CDK8: variants seen among roughly 807,000 people sequenced by gnomAD.
The protein encoded by CDK8 is cyclin-dependent kinase 8.
In CDK8, 29 loss-of-function variants were observed where a neutral mutation model predicts 71.5. The observed-to-expected ratio is 0.41, with a 90% CI of 0.30 to 0.55. The LOEUF (loss-of-function observed/expected upper bound fraction) is 0.55, where lower values mean the gene tolerates loss of function less well. Among genes scored for constraint, CDK8 ranks in the 20% least tolerant of loss-of-function variants. The pLI, the probability that CDK8 is intolerant of heterozygous loss-of-function variation, is 0.37. For missense variants in CDK8, 288 were observed against 572.6 expected (o/e 0.50, Z 5.07); for synonymous variants, 161 against 192.1 (o/e 0.84, Z 1.34).
At position 26,382,854 on chromosome 13, in the gene CDK8, G is replaced by A. The variant is rs1219473554; in HGVS notation, c.497G>A (p.Arg166Gln). 7 of 1,599,534 alleles carry A rather than the reference G, an allele frequency of 4.4e-6. No homozygotes were observed. Among genetic ancestry groups the A allele is most frequent in the South Asian group, 1.1e-5 (1 of 87,944 alleles). Residue 166 changes from arginine to glutamine, a missense_variant, in exon 5 of 13, where the codon CGA (arginine) becomes CAA (glutamine). Around this residue, in one of 6 missense-constraint regions of CDK8, gnomAD observed 95 missense variants for 177.3 expected, o/e 0.54. Coordinates refer to ENST00000381527, the MANE Select transcript of CDK8 (RefSeq NM_001260.3). ...TTAGTTATGGGTGAAGGTCCTGAGC[G>A]AGGAAGAGTAAAAATTGGTATGTTA... ...NILVMGEGPE[R>Q]GRVKIADMGF...
rs370194310 is a variant in CDK8 at position 26,336,640 on chromosome 13, A to G, written c.129-927A>G. Among the ~76,000 whole-genome samples, 999 of 138,770 alleles carry G rather than the reference A, an allele frequency of 7.2e-3. 10 individuals are homozygous for G. Among genetic ancestry groups the G allele is most frequent in the African/African-American group, 0.024 (862 of 36,400 alleles). 91.0% of individuals were successfully genotyped at this position (138,770 alleles called of 152,430 possible). ...GTGATCTCGGCTCACTGCAAGCTCC[A>G]CCTCCTGGGTTCACGCCATTCTCCT... On this transcript the variant is annotated intron_variant, in intron 1 of 12. Transcript: ENST00000381527.
chr13:26,399,898 T>C (rs1452101320), intron 9 of CDK8, among the ~76,000 whole-genome samples: 2 of 152,362 alleles, frequency 1.3e-5, no homozygotes, highest in African/African-American at 4.8e-5. Context: ...ACTTTGTAAG[T>C]TGTGTATCAC....
At chr13:26,380,434 G>A (rs1875165868) in intron 4 of CDK8, among the ~76,000 whole-genome samples, 1 of 152,046 alleles carries the variant, frequency 6.6e-6, no homozygotes, top group South Asian at 2.1e-4. Flanking sequence ...GCCCACCTTG[G>A]CTTCTTGAAG....
At chr13:26,329,160 T>A (rs1443078993) in intron 1 of CDK8, among the ~76,000 whole-genome samples, 4 of 152,200 alleles carry the variant, frequency 2.6e-5, no homozygotes, top group Non-Finnish European at 4.4e-5. Context: ...TTACCATAGT[T>A]TAAATAGAGT....
At chr13:26,402,653 C>T (rs539274558) in intron 12 of CDK8, among the ~76,000 whole-genome samples, 8 of 152,320 alleles carry the variant, frequency 5.3e-5, no homozygotes, top group African/African-American at 1.9e-4. Flanking sequence ...ACAAGGACAC[C>T]AAGGGCAGAC....
chr13:26,394,206 C>G (rs1875882466), intron 7 of CDK8, among the ~76,000 whole-genome samples: 1 of 152,176 alleles, frequency 6.6e-6, no homozygotes, highest in Non-Finnish European at 1.5e-5. Context: ...TAAATTTTGG[C>G]TAGTCAAGTA....
intron 4 of CDK8, among the ~76,000 whole-genome samples, chr13:26,367,073 C>T (rs2138020937): frequency 6.6e-6 from 1 of 152,226 alleles, no homozygotes. Context: ...CAGCTATAAT[C>T]CTTGAAGGTA....
At chr13:26,346,170 C>A (rs1187980048) in intron 2 of CDK8, among the ~76,000 whole-genome samples, 2 of 152,292 alleles carry the variant, frequency 1.3e-5, no homozygotes, top group South Asian at 2.1e-4. Context: ...ACCCCTTAAA[C>A]CCCTGTTTTC....
chr13:26,267,613 T>G (rs7139880), intron 1 of CDK8, among the ~76,000 whole-genome samples: 16,459 of 152,218 alleles, frequency 0.11, 2,638 homozygotes, highest in African/African-American at 0.35. Flanking sequence ...TTTGCTTTTT[T>G]CAGTTCATAT....
intron 1 of CDK8, among the ~76,000 whole-genome samples, chr13:26,312,966 ACTT>A (rs1874356752): frequency 6.6e-6 from 1 of 151,952 alleles, no homozygotes; most frequent in African/African-American, 2.4e-5. Flanking sequence ...TCATTTCTCT[ACTT>A]CTTCACTGGA....
At chr13:26,265,014 T>C (rs185831742) in intron 1 of CDK8, among the ~76,000 whole-genome samples, 243 of 152,342 alleles carry the variant, frequency 1.6e-3, no homozygotes, top group African/African-American at 5.6e-3. Context: ...ACCTTTGCTG[T>C]TGTAAATAGT....
rs1313403815 is a variant in CDK8, at chr13:26,401,934, G to C, written c.1269+310G>C. Among the ~76,000 whole-genome samples the C allele has an allele frequency of 6.6e-6, 1 of 152,184 alleles. No individual in the cohort carries two copies. Among genetic ancestry groups the C allele is most frequent in the Non-Finnish European group, 1.5e-5 (1 of 68,032 alleles). On this transcript the variant is annotated intron_variant, in intron 12 of 12. Coordinates refer to ENST00000381527, the MANE Select transcript of CDK8 (RefSeq NM_001260.3). The surrounding 1 kb of genome is among the most constrained non-coding windows in gnomAD (Gnocchi z 4.5). ...TGAAACTAGTAAAACCTAACTTGCAGCTGTTGTCAGATTAGACATGAAGTG... is the reference window on the plus strand; with the variant it reads ...TGAAACTAGTAAAACCTAACTTGCACCTGTTGTCAGATTAGACATGAAGTG...
At chr13:26,352,634 T>C (rs1255122015) in intron 3 of CDK8, among the ~76,000 whole-genome samples, 1 of 152,180 alleles carries the variant, frequency 6.6e-6, no homozygotes, top group African/African-American at 2.4e-5. Flanking sequence ...TGCTATTAAA[T>C]ACTTTGAAAA....
chr13:26,404,831 A>C lies in CDK8; in HGVS notation c.*750A>C, dbSNP rs939580609. The C allele has an allele frequency of 2.8e-5, 6 of 216,294 alleles. No individual in the cohort carries two copies. The highest frequency in any genetic ancestry group is 5.6e-5 in the Non-Finnish European group (6 of 107,590). 13.4% of individuals were successfully genotyped at this position (216,294 alleles called of 1,614,324 possible). A position where few individuals can be genotyped will look rare whatever the true frequency, so the allele number is the denominator to read the frequency against. ...ACCTGTTTGGTTCAGCAAACAAACT[A>C]AAATGATTGTCATAGACAGTGTTTT... On this transcript the variant is annotated 3_prime_UTR_variant, in exon 13 of 13. Coordinates refer to ENST00000381527, the MANE Select transcript of CDK8 (RefSeq NM_001260.3).
intron 6 of CDK8, among the ~76,000 whole-genome samples, chr13:26,389,627 A>G (rs1266071392): frequency 6.6e-6 from 1 of 152,126 alleles, no homozygotes; most frequent in Non-Finnish European, 1.5e-5. Flanking sequence ...GCCCAAGATC[A>G]GTCTTGGGGA....
chr13:26,331,926 A>T (rs967512828), intron 1 of CDK8, among the ~76,000 whole-genome samples: 1 of 152,156 alleles, frequency 6.6e-6, no homozygotes, highest in Non-Finnish European at 1.5e-5. Context: ...AACAATATTG[A>T]TTCTTCTGAT....
intron 7 of CDK8, 129 bp downstream of exon 7, chr13:26,393,639 C>A: frequency 3.3e-6 from 3 of 909,358 alleles, no homozygotes; most frequent in South Asian, 3.4e-5. Context: ...TTTTGACTTG[C>A]ATTTATCAAA....
chr13:26,255,299 C>A (rs1323295306), intron 1 of CDK8, among the ~76,000 whole-genome samples: 1 of 152,104 alleles, frequency 6.6e-6, no homozygotes, highest in Admixed American at 6.5e-5. Flanking sequence ...CCATAGTGAT[C>A]ATCTGCAACA....
chr13:26,305,761 T>G (rs1432302457), intron 1 of CDK8, among the ~76,000 whole-genome samples: 1 of 152,192 alleles, frequency 6.6e-6, no homozygotes, highest in East Asian at 1.9e-4. Context: ...TTAAATACAG[T>G]TGCTATATTT....
Sources: gnomAD v4.1 joint callset for allele counts (sites outside exome capture counted in the v4.1 genomes callset) on GRCh38, gnomAD v4.1.1 for gene constraint, gnomAD v4.1.1 regional missense constraint, Gnocchi (gnomAD v3.1) non-coding constraint, MANE v1.5 for transcripts, NCBI Gene and HGNC (gene_info 2026-07-23, HGNC 2026-07-21) for gene names.